AIRE: variants seen among roughly 807,000 people sequenced by gnomAD.
AIRE encodes autoimmune polyendocrinopathy candidiasis ectodermal dystrophy protein.
Under a neutral mutation model 62.1 loss-of-function variants are expected in AIRE, and 52 were observed. That is an observed-to-expected ratio of 0.84 (90% CI 0.67 to 1.06). The LOEUF is 1.06. Ranked by LOEUF, AIRE falls within the 50% of genes least tolerant of loss-of-function variation. The pLI is 0.00. For missense variants in AIRE, 774 were observed against 755.8 expected (o/e 1.02, Z -0.28); for synonymous variants, 342 against 321.6 (o/e 1.06, Z -0.68).
intron 9 of AIRE, 32 bp from the exon 10 acceptor site, chr21:44,292,961 C>G: frequency 1.2e-6 from 2 of 1,606,586 alleles, no homozygotes; most frequent in Non-Finnish European, 1.7e-6. Flanking sequence ...CAGGCGCCCG[C>G]TGCCCCTCTG....
rs539135744 is a variant in AIRE, at chr21:44,286,229, A to C, written c.132+91A>C. 1.7e-5 allele frequency: 23 copies of C among 1,338,870 alleles called. 1 individual carries two copies. The South Asian group carries it at 2.6e-4, about 15-fold the overall frequency. 82.9% of individuals were successfully genotyped at this position (1,338,870 alleles called of 1,614,324 possible). A position where few individuals can be genotyped will look rare whatever the true frequency, so the allele number is the denominator to read the frequency against. The stretch of plus-strand genomic sequence containing the variant: ...TTCCAGGAGGACCCCGCCCCTCCAG[A>C]TCCCCAAGCCCCTCCAGCCTTCCCC... On this transcript the variant is annotated intron_variant, in intron 1 of 13. Coordinates refer to ENST00000291582, the MANE Select transcript of AIRE (RefSeq NM_000383.4). The surrounding 1 kb of genome is among the most constrained non-coding windows in gnomAD (Gnocchi z 6.0).
chr21:44,295,174 G>C (rs2040593378), intron 12 of AIRE, among the ~76,000 whole-genome samples: 1 of 152,156 alleles, frequency 6.6e-6, no homozygotes, highest in Non-Finnish European at 1.5e-5. Flanking sequence ...GAGCCTTTAG[G>C]GATCCTGGGG....
chr21:44,288,486 T>TCCCCATCA, intron 5 of AIRE, 28 bp downstream of exon 5: 2 of 1,506,628 alleles, frequency 1.3e-6, no homozygotes, highest in Non-Finnish European at 1.8e-6. Flanking sequence ...GAGATGGGGC[T>TCCCCATCA]GATGGGGAGA....
In AIRE at chr21:44,285,924, C is replaced by T. The variant is rs1407264223; in HGVS notation, c.-83C>T. The T allele has an allele frequency of 2.2e-6, 3 of 1,388,444 alleles. No homozygotes were observed. Among genetic ancestry groups the T allele is most frequent in the East Asian group, 3.0e-5 (1 of 33,138 alleles). 86.0% of individuals were successfully genotyped at this position (1,388,444 alleles called of 1,614,324 possible). A position where few individuals can be genotyped will look rare whatever the true frequency, so the allele number is the denominator to read the frequency against. ...CGGCGCGGAGGCCCCACAGCCCCGC[C>T]GGGACCCGAGGCCAAGCGAGGGGCT... On this transcript the variant is annotated 5_prime_UTR_variant, in exon 1 of 14. Coordinates refer to ENST00000291582, the MANE Select transcript of AIRE (RefSeq NM_000383.4).
intron 8 of AIRE, 143 bp downstream of exon 8, chr21:44,291,353 C>A: frequency 2.2e-6 from 3 of 1,380,420 alleles, no homozygotes; most frequent in East Asian, 2.5e-5. Context: ...GCCGTGGGGC[C>A]GGGGCCTGGG....
chr21:44,295,503 G>A (rs2256817), intron 12 of AIRE, among the ~76,000 whole-genome samples: 75,130 of 152,112 alleles, frequency 0.49, 19,786 homozygotes, highest in African/African-American at 0.68. Flanking sequence ...GAGCCCAGCC[G>A]GGCATATACG....
Position 44,291,394 on chromosome 21 carries a change from C to G in AIRE, c.995+184C>G, listed in dbSNP as rs542469295. Among the ~76,000 whole-genome samples the G allele has an allele frequency of 3.7e-3, 562 of 152,320 alleles. 3 individuals carry two copies. The highest frequency in any genetic ancestry group is 6.7e-3 in the Non-Finnish European group (459 of 68,010). On this transcript the variant is annotated intron_variant, in intron 8 of 13. Coordinates refer to ENST00000291582, the MANE Select transcript of AIRE (RefSeq NM_000383.4). ...CCCACCCTGCCACCTGCCTCCCGGTCTGGCCACACCTGCTGCCCAGCCTGG... is the reference window on the plus strand; with the variant it reads ...CCCACCCTGCCACCTGCCTCCCGGTGTGGCCACACCTGCTGCCCAGCCTGG...
Position 44,290,198 on chromosome 21 carries a change from G to A in AIRE, c.879+130G>A, listed in dbSNP as rs532181250. The stretch of plus-strand genomic sequence containing the variant: ...CCTGAGCCCCTACCCACAGGGTACA[G>A]CTCTTTTTCTTTAATAGACAGTATT... On this transcript the variant is annotated intron_variant, in intron 7 of 13. Coordinates refer to ENST00000291582, the MANE Select transcript of AIRE (RefSeq NM_000383.4). 5.9e-3 allele frequency: 8,899 copies of A among 1,506,570 alleles called. 26 individuals carry two copies. The highest frequency in any genetic ancestry group is 7.1e-3 in the Non-Finnish European group (7,988 of 1,126,832). The allele number at this position is 1,506,570 out of a possible 1,614,324, so 93.3% of individuals were successfully genotyped here.
Position 44,289,752 on chromosome 21 carries a change from A to C in AIRE, c.748A>C (p.Ser250Arg). The stretch of plus-strand genomic sequence containing the variant: ...TGGGAAGAACAAGGCCCGCAGCAGC[A>C]GTGGCCCGAAGCCTCTGGTTCGAGC... ...GSGKNKARSS[S>R]GPKPLVRAKG... The change falls in exon 6 of 14, where the codon AGT (serine) becomes CGT (arginine). Residue 250 changes from serine to arginine, a missense_variant. Coordinates refer to ENST00000291582, the MANE Select transcript of AIRE (RefSeq NM_000383.4). The C allele has an allele frequency of 6.2e-7, 1 of 1,612,814 alleles. No homozygotes were observed.
chr21:44,293,982 C>T lies in AIRE; in HGVS notation c.1400+72C>T, dbSNP rs1266041925. ...CTACACCCCACCCCACACTCCCCAC[C>T]CACATCATACAGCCCACAACCACAC... On this transcript the variant is annotated intron_variant, in intron 11 of 13. Coordinates refer to ENST00000291582, the MANE Select transcript of AIRE (RefSeq NM_000383.4). The T allele has an allele frequency of 9.1e-6, 14 of 1,535,880 alleles. No homozygotes were observed. The East Asian group carries it at 2.9e-4, about 32-fold the overall frequency.
chr21:44,296,270 A>T (rs1397041980), intron 12 of AIRE, 113 bp from the exon 13 acceptor site: 2 of 989,730 alleles, frequency 2.0e-6, no homozygotes, highest in Non-Finnish European at 3.3e-6. Context: ...GGGTGTAAGA[A>T]TTCCCATCTC....
chr21:44,296,374 G>T lies in AIRE; in HGVS notation c.1504-9G>T. 1 of 1,611,566 alleles carries T rather than the reference G, an allele frequency of 6.2e-7. No homozygotes were observed. Among genetic ancestry groups the T allele is most frequent in the Non-Finnish European group, 8.5e-7 (1 of 1,178,964 alleles). ...GTTGGGCTGACCTCTTCTCTTTACT[G>T]GGTTCCAGGATGACACTGCCAGTCA... On this transcript the variant is annotated splice_polypyrimidine_tract_variant and intron_variant, in intron 12 of 13. Transcript: ENST00000291582.
At chr21:44,292,895 C>T in intron 9 of AIRE, 98 bp from the exon 10 acceptor site, 4 of 1,175,562 alleles carry the variant, frequency 3.4e-6, no homozygotes, top group Non-Finnish European at 5.0e-6. Context: ...CTGCCCCCAC[C>T]CTGCTGCCCT....
Position 44,287,298 on chromosome 21 carries a change from C to A in AIRE, c.463+165C>A. 1.2e-6 allele frequency: 1 copy of A among 832,626 alleles called. No homozygotes were observed. The highest frequency in any genetic ancestry group is 1.9e-6 in the Non-Finnish European group (1 of 533,930). 51.6% of individuals were successfully genotyped at this position (832,626 alleles called of 1,614,324 possible). On this transcript the variant is annotated intron_variant, in intron 3 of 13. Coordinates refer to ENST00000291582, the MANE Select transcript of AIRE (RefSeq NM_000383.4). The surrounding 1 kb of genome is among the most constrained non-coding windows in gnomAD (Gnocchi z 4.3). ...GTACTAGACCCACACACTGGACCAG[C>A]CTCTCAGCTCCCTCCTGCCTGAAGG...
chr21:44,291,240 G>A (rs758528374), intron 8 of AIRE, 30 bp downstream of exon 8: 12 of 1,596,334 alleles, frequency 7.5e-6, no homozygotes, highest in Non-Finnish European at 9.3e-6. Flanking sequence ...AGCGCAACCA[G>A]GCCACCCCGG....
At chr21:44,291,060 G>GTGACC in intron 7 of AIRE, 35 bp from the exon 8 acceptor site, 1 of 1,613,420 alleles carries the variant, frequency 6.2e-7, no homozygotes. Flanking sequence ...CTGCACCCCA[G>GTGACC]CCCAGTCTGC....
Position 44,293,827 on chromosome 21 carries a change from T to C in AIRE, c.1317T>C (p.Asp439=), listed in dbSNP as rs1474485684. Residue 439 remains aspartate (D), a synonymous_variant, in exon 11 of 14, where the codon GAT becomes GAC. Transcript: ENST00000291582. ...APGARCGVCG[D]GTDVLRCTHC... ...GTGCGCGTTGCGGGGTGTGCGGAGA[T>C]GGTACGGACGTGCTGCGGTGTACTC... 1 of 1,596,930 alleles carries C rather than the reference T, an allele frequency of 6.3e-7. No individual in the cohort carries two copies. The highest frequency in any genetic ancestry group is 8.5e-7 in the Non-Finnish European group (1 of 1,179,598).
intron 7 of AIRE, chr21:44,290,387 C>A (rs2040524301): frequency 1.9e-5 from 19 of 985,424 alleles, no homozygotes; most frequent in Non-Finnish European, 2.2e-5. Flanking sequence ...GGTCAAGGAT[C>A]CACTGGGAAT....
In AIRE at chr21:44,286,752, C is replaced by T. The variant is rs2040486388; in HGVS notation, c.307+21C>T. On this transcript the variant is annotated intron_variant, in intron 2 of 13. Transcript: ENST00000291582. The surrounding 1 kb of genome is among the most constrained non-coding windows in gnomAD (Gnocchi z 6.0). ...CAAAGGTGGGTCCTGGTGGACTCAG[C>T]CATGCTGGGGGCCTGGGGCAGCTGC... 1 of 1,611,618 alleles carries T rather than the reference C, an allele frequency of 6.2e-7. No individual in the cohort carries two copies. The highest frequency in any genetic ancestry group is 8.5e-7 in the Non-Finnish European group (1 of 1,179,204).
Sources: gnomAD v4.1 joint callset for allele counts (sites outside exome capture counted in the v4.1 genomes callset) on GRCh38, gnomAD v4.1.1 for gene constraint, Gnocchi (gnomAD v3.1) non-coding constraint, MANE v1.5 for transcripts, NCBI Gene and HGNC (gene_info 2026-07-23, HGNC 2026-07-21) for gene names.